The following ATAD2B variants were observed in gnomAD, a reference collection of about 807,000 sequenced individuals.
ATAD2B encodes the protein ATPase family AAA domain containing 2B, also known as ATPase family AAA domain-containing protein 2B.
Under a neutral mutation model 167.6 loss-of-function variants are expected in ATAD2B, and 40 were observed. That is an observed-to-expected ratio of 0.24 (90% CI 0.19 to 0.31). ATAD2B has a LOEUF of 0.31. Among genes scored for constraint, ATAD2B ranks in the 10% least tolerant of loss-of-function variants. The probability of loss-of-function intolerance (pLI) is 1.00; values close to 1 mark genes in which losing one functional copy is unlikely to be tolerated. For synonymous variants in ATAD2B, 579 were observed against 596.5 expected (o/e 0.97, Z 0.43); for missense variants, 1,242 against 1,757.2 (o/e 0.71, Z 5.24).
At chr2:23,762,453 T>C (rs1428490183) in intron 23 of ATAD2B, 107 bp from the exon 24 acceptor site, 12 of 1,186,520 alleles carry the variant, frequency 1.0e-5, no homozygotes, top group Admixed American at 3.1e-5. Flanking sequence ...AGTCATTAAT[T>C]ATACTAGGGC....
chr2:23,867,744 A>T, intron 10 of ATAD2B, 91 bp downstream of exon 10: 1 of 890,538 alleles, frequency 1.1e-6, no homozygotes, highest in Non-Finnish European at 1.8e-6. Flanking sequence ...GTCATATCCG[A>T]ATTTTCTAGT....
chr2:23,728,960 A>G, the ATAD2B span, among the ~76,000 whole-genome samples: 1 of 152,146 alleles, frequency 6.6e-6, no homozygotes, highest in African/African-American at 2.4e-5. Context: ...GGAAACTTAC[A>G]ATCATGGCGG....
chr2:23,849,373 C>A (rs1489779261), intron 13 of ATAD2B, among the ~76,000 whole-genome samples: 1 of 152,038 alleles, frequency 6.6e-6, no homozygotes, highest in Non-Finnish European at 1.5e-5. Context: ...TATAAGAAAG[C>A]AACATCAACA....
intron 4 of ATAD2B, among the ~76,000 whole-genome samples, chr2:23,886,703 A>C (rs1158396296): frequency 6.6e-6 from 1 of 152,076 alleles, no homozygotes; most frequent in Non-Finnish European, 1.5e-5. Context: ...AGGCAGAGGC[A>C]GGCGGATCAC....
intron 1 of ATAD2B, among the ~76,000 whole-genome samples, chr2:23,914,644 C>T (rs1161859362): frequency 6.6e-6 from 1 of 151,918 alleles, no homozygotes; most frequent in Non-Finnish European, 1.5e-5. Flanking sequence ...TCGAGACCAT[C>T]CTGGCTAACA....
At chr2:23,711,925 C>A in the ATAD2B span, among the ~76,000 whole-genome samples, 4 of 152,318 alleles carry the variant, frequency 2.6e-5, no homozygotes, top group African/African-American at 9.6e-5. Context: ...ATCCTCTCAA[C>A]TACCCTAAAA....
At chr2:23,734,067 A>G in the ATAD2B span, among the ~76,000 whole-genome samples, 1 of 152,120 alleles carries the variant, frequency 6.6e-6, no homozygotes, top group East Asian at 1.9e-4. Context: ...GGGGGGAAAA[A>G]AGCCTTCCAT....
chr2:23,913,056 T>C (rs1365078409), intron 1 of ATAD2B, among the ~76,000 whole-genome samples: 1 of 152,176 alleles, frequency 6.6e-6, no homozygotes, highest in Non-Finnish European at 1.5e-5. Context: ...TTTTTGAGTA[T>C]CTGACCAATC....
At chr2:23,860,036 C>A (rs1357293489) in intron 12 of ATAD2B, among the ~76,000 whole-genome samples, 1 of 149,010 alleles carries the variant, frequency 6.7e-6, no homozygotes, top group Non-Finnish European at 1.5e-5. Flanking sequence ...GAGGCCTCCA[C>A]CCTCATAAAT....
chr2:23,827,500 A>G (rs1688433327), intron 15 of ATAD2B, among the ~76,000 whole-genome samples: 1 of 152,224 alleles, frequency 6.6e-6, no homozygotes, highest in Admixed American at 6.5e-5. Flanking sequence ...TGATTTGACA[A>G]CTTGACTTCT....
chr2:23,865,212 CAT>C (rs1694958745), intron 10 of ATAD2B, among the ~76,000 whole-genome samples: 1 of 151,960 alleles, frequency 6.6e-6, no homozygotes, highest in South Asian at 2.1e-4. Context: ...ATTATACTAA[CAT>C]ATATAATTTT....
intron 1 of ATAD2B, among the ~76,000 whole-genome samples, chr2:23,910,529 A>T (rs996765455): frequency 2.0e-5 from 3 of 151,808 alleles, no homozygotes; most frequent in African/African-American, 7.3e-5. Context: ...GCAATTAAAG[A>T]AAGGCACTTT....
At chr2:23,755,370 G>A (rs1308237508) in intron 25 of ATAD2B, among the ~76,000 whole-genome samples, 3 of 152,124 alleles carry the variant, frequency 2.0e-5, no homozygotes, top group Admixed American at 2.0e-4. Context: ...GTAAATTAGT[G>A]TAATCTAATT....
At chr2:23,718,782 C>A in the ATAD2B span, among the ~76,000 whole-genome samples, 1 of 152,218 alleles carries the variant, frequency 6.6e-6, no homozygotes, top group Non-Finnish European at 1.5e-5. Flanking sequence ...GAATCCACTT[C>A]CTTGCCTTTT....
chr2:23,679,334 C>T, the ATAD2B span, among the ~76,000 whole-genome samples: 1 of 152,214 alleles, frequency 6.6e-6, no homozygotes, highest in Non-Finnish European at 1.5e-5. Flanking sequence ...CTAAATGCCT[C>T]ATCTGGGACA....
chr2:23,742,915 G>A, the ATAD2B span, among the ~76,000 whole-genome samples: 1 of 152,044 alleles, frequency 6.6e-6, no homozygotes, highest in Non-Finnish European at 1.5e-5. Flanking sequence ...AGAGTAGAGA[G>A]GCCTAAGAAA....
chr2:23,907,101 T>C (rs888968112), intron 1 of ATAD2B, among the ~76,000 whole-genome samples: 1 of 151,166 alleles, frequency 6.6e-6, no homozygotes, highest in African/African-American at 2.4e-5. Flanking sequence ...CAACATAGTG[T>C]TGGAAGTTCT....
intron 22 of ATAD2B, among the ~76,000 whole-genome samples, chr2:23,777,362 ATATC>A (rs1679313319): frequency 1.3e-5 from 2 of 151,398 alleles, no homozygotes; most frequent in Admixed American, 6.6e-5. Context: ...ATCTATATCT[ATATC>A]TATATCTATA....
At chr2:23,864,737 T>C (rs1694897046) in intron 11 of ATAD2B, 72 bp downstream of exon 11, 4 of 644,844 alleles carry the variant, frequency 6.2e-6, no homozygotes, top group Non-Finnish European at 1.0e-5. Context: ...TTTATATTTA[T>C]AGCAATTTAC....
Sources: allele counts gnomAD v4.1 joint callset (sites outside exome capture counted in the v4.1 genomes callset), GRCh38; gene constraint gnomAD v4.1.1; transcripts MANE v1.5; gene names NCBI Gene and HGNC (gene_info 2026-07-23, HGNC 2026-07-21).